Variants in TYW1 observed in about 807,000 individuals in gnomAD.
TYW1 encodes S-adenosyl-L-methionine-dependent tRNA 4-demethylwyosine synthase TYW1.
TYW1 carries 46 observed loss-of-function variants against 96.2 expected under a neutral mutation model. The ratio of observed to expected loss-of-function variants is 0.48; its 90% CI spans 0.38 to 0.61. The LOEUF (loss-of-function observed/expected upper bound fraction) is 0.61, where lower values mean the gene tolerates loss of function less well. Among genes scored for constraint, TYW1 ranks in the 20% least tolerant of loss-of-function variants. TYW1 has a pLI of 0.00. For synonymous variants in TYW1, 274 were observed against 323.0 expected (o/e 0.85, Z 1.63); for missense variants, 684 against 909.6 (o/e 0.75, Z 3.19).
At chr7:67,111,647 A>G (rs1797411189) in intron 12 of TYW1, among the ~76,000 whole-genome samples, 1 of 152,248 alleles carries the variant, frequency 6.6e-6, no homozygotes, top group Admixed American at 6.5e-5. Context: ...AGAGAGAGAA[A>G]TGAGAAGAAA....
intron 15 of TYW1, among the ~76,000 whole-genome samples, chr7:67,227,032 A>T (rs1246861241): frequency 2.6e-5 from 4 of 152,098 alleles, no homozygotes; most frequent in Non-Finnish European, 5.9e-5. Flanking sequence ...AATATGAATG[A>T]TTCGTTTTGC....
chr7:67,053,560 A>C (rs1418635248), intron 8 of TYW1, among the ~76,000 whole-genome samples: 2 of 151,862 alleles, frequency 1.3e-5, no homozygotes, highest in Non-Finnish European at 2.9e-5. Context: ...TTATATTTTT[A>C]GTAGAGACAG....
chr7:67,230,603 T>C (rs983465690), intron 15 of TYW1, among the ~76,000 whole-genome samples: 47 of 151,606 alleles, frequency 3.1e-4, no homozygotes, highest in African/African-American at 1.0e-3. Context: ...AGCATACTTA[T>C]ATTGCTGCTC....
intron 13 of TYW1, among the ~76,000 whole-genome samples, chr7:67,133,943 C>G (rs1798166159): frequency 6.6e-6 from 1 of 151,858 alleles, no homozygotes; most frequent in African/African-American, 2.4e-5. Flanking sequence ...GAGTTAGCCC[C>G]TCCTCATCCT....
chr7:67,059,124 G>T (rs1271342340), intron 9 of TYW1, among the ~76,000 whole-genome samples: 2 of 141,684 alleles, frequency 1.4e-5, no homozygotes, highest in African/African-American at 2.6e-5. Context: ...TTTTGAGACA[G>T]GGTCTCGCTC....
At chr7:67,088,039 A>T (rs1796603558) in intron 11 of TYW1, among the ~76,000 whole-genome samples, 1 of 151,966 alleles carries the variant, frequency 6.6e-6, no homozygotes, top group South Asian at 2.1e-4. Flanking sequence ...TAATTTAAAA[A>T]TTTTTAATAG....
At chr7:67,031,214 A>T (rs1794664397) in intron 7 of TYW1, among the ~76,000 whole-genome samples, 1 of 143,324 alleles carries the variant, frequency 7.0e-6, no homozygotes, top group Non-Finnish European at 1.5e-5. Context: ...AAAAAAAATC[A>T]GTCTGTGTGC....
At chr7:67,217,209 T>C (rs572314803) in intron 15 of TYW1, among the ~76,000 whole-genome samples, 1 of 152,300 alleles carries the variant, frequency 6.6e-6, no homozygotes, top group East Asian at 1.9e-4. Flanking sequence ...CCCCATTTTC[T>C]GAGTTGCCTT....
At chr7:67,044,922 G>C (rs879926093) in intron 7 of TYW1, among the ~76,000 whole-genome samples, 1 of 152,032 alleles carries the variant, frequency 6.6e-6, no homozygotes, top group East Asian at 1.9e-4. Context: ...ACCCGGCCAA[G>C]CCAACCTTTT....
intron 7 of TYW1, among the ~76,000 whole-genome samples, chr7:67,038,636 GCT>G (rs1794912250): frequency 6.6e-6 from 1 of 151,572 alleles, no homozygotes; most frequent in Admixed American, 6.6e-5. Context: ...AGGCATGATG[GCT>G]CACACCTGTA....
intron 7 of TYW1, among the ~76,000 whole-genome samples, chr7:67,041,472 G>A (rs1767232488): frequency 6.6e-6 from 1 of 152,192 alleles, no homozygotes; most frequent in African/African-American, 2.4e-5. Context: ...GCTAATTTTT[G>A]TATTTTTAGT....
At chr7:67,134,178 A>G (rs1798174505) in intron 13 of TYW1, among the ~76,000 whole-genome samples, 1 of 152,156 alleles carries the variant, frequency 6.6e-6, no homozygotes, top group African/African-American at 2.4e-5. Flanking sequence ...TAATTCATGC[A>G]TCCTAGTATT....
At chr7:67,184,629 T>G (rs181714038) in intron 14 of TYW1, among the ~76,000 whole-genome samples, 3 of 96,422 alleles carry the variant, frequency 3.1e-5, no homozygotes, top group African/African-American at 1.1e-4. Flanking sequence ...TTTATTTTAT[T>G]TTATTTTATT....
rs374322038 is a variant in TYW1 at position 67,055,790 on chromosome 7, C to T, written c.1103-45C>T. 194 of 1,485,242 alleles carry T rather than the reference C, an allele frequency of 1.3e-4. 2 individuals are homozygous for T. The South Asian group carries it at 2.0e-3, about 15-fold the overall frequency. The allele number at this position is 1,485,242 out of a possible 1,614,324, so 92.0% of individuals were successfully genotyped here. The stretch of plus-strand genomic sequence containing the variant: ...ATTTTAAAGTCACTTTTTGATATGA[C>T]GCTTTGGATCAGTCCAACTTTGTGT... On this transcript the variant is annotated intron_variant, in intron 8 of 15. Coordinates refer to ENST00000359626, the MANE Select transcript of TYW1 (RefSeq NM_018264.4).
intron 10 of TYW1, among the ~76,000 whole-genome samples, chr7:67,072,835 A>G (rs1246643571): frequency 6.6e-6 from 1 of 151,530 alleles, no homozygotes; most frequent in African/African-American, 2.4e-5. Context: ...TGGTGCAATC[A>G]TAGCTCACTG....
At chr7:67,199,276 T>TA (rs1800510013) in intron 15 of TYW1, among the ~76,000 whole-genome samples, 1 of 152,240 alleles carries the variant, frequency 6.6e-6, no homozygotes, top group African/African-American at 2.4e-5. Flanking sequence ...ATTGAGGTTG[T>TA]ATGTCCTCAG....
chr7:67,131,956 G>A (rs754913945), intron 13 of TYW1, among the ~76,000 whole-genome samples: 2 of 152,144 alleles, frequency 1.3e-5, no homozygotes, highest in South Asian at 2.1e-4. Flanking sequence ...CTTTTATTCC[G>A]GCTGCACTGG....
intron 7 of TYW1, among the ~76,000 whole-genome samples, chr7:67,025,602 A>G (rs1794423972): frequency 1.3e-5 from 2 of 152,070 alleles, no homozygotes; most frequent in Admixed American, 1.3e-4. Flanking sequence ...GGGCTTAAGG[A>G]TGGCAGCCTG....
chr7:67,218,396 C>T (rs1211928766), intron 15 of TYW1, among the ~76,000 whole-genome samples: 2 of 150,664 alleles, frequency 1.3e-5, no homozygotes, highest in Admixed American at 6.6e-5. Flanking sequence ...CCCTGTTGCT[C>T]AGGCTCTAGT....
Sources: allele counts gnomAD v4.1 joint callset (sites outside exome capture counted in the v4.1 genomes callset), GRCh38; gene constraint gnomAD v4.1.1; transcripts MANE v1.5; gene names NCBI Gene and HGNC (gene_info 2026-07-23, HGNC 2026-07-21).